NALF1: variants seen among roughly 807,000 people sequenced by gnomAD.
NALF1 encodes the protein NALCN channel auxiliary factor 1.
In NALF1, 3 loss-of-function variants were observed where a neutral mutation model predicts 48.4. The ratio of observed to expected loss-of-function variants is 0.06; its 90% CI spans 0.03 to 0.16. The LOEUF (loss-of-function observed/expected upper bound fraction) is 0.16, where lower values mean the gene tolerates loss of function less well. Among genes scored for constraint, NALF1 ranks in the 10% least tolerant of loss-of-function variants. NALF1 has a pLI of 1.00. For missense variants in NALF1, 526 were observed against 571.5 expected (o/e 0.92, Z 0.81); for synonymous variants, 262 against 245.7 (o/e 1.07, Z -0.62).
chr13:107,265,808 A>T (rs1881027604), intron 1 of NALF1, among the ~76,000 whole-genome samples: 2 of 152,182 alleles, frequency 1.3e-5, no homozygotes, highest in African/African-American at 4.8e-5. Flanking sequence ...TAATATATTG[A>T]AATTTTTTGG....
At chr13:107,685,409 G>C (rs1479631934) in intron 1 of NALF1, among the ~76,000 whole-genome samples, 3 of 152,130 alleles carry the variant, frequency 2.0e-5, no homozygotes, top group Non-Finnish European at 4.4e-5. Context: ...ACCAAAGGTA[G>C]GGTAGGGGAA....
chr13:107,568,775 G>A (rs998871926), intron 1 of NALF1, among the ~76,000 whole-genome samples: 1 of 152,026 alleles, frequency 6.6e-6, no homozygotes, highest in African/African-American at 2.4e-5. Context: ...TGTTTTTTGA[G>A]TATTTTTAAC....
At chr13:107,612,658 T>C (rs1879265394) in intron 1 of NALF1, among the ~76,000 whole-genome samples, 1 of 152,154 alleles carries the variant, frequency 6.6e-6, no homozygotes, top group South Asian at 2.1e-4. Context: ...TGCTCCTTCC[T>C]GACTTTTAAA....
chr13:107,683,594 C>A (rs1257752033), intron 1 of NALF1, among the ~76,000 whole-genome samples: 1 of 152,202 alleles, frequency 6.6e-6, no homozygotes, highest in Non-Finnish European at 1.5e-5. Flanking sequence ...GAATACAGTT[C>A]TTTCACTCCC....
In NALF1 at chr13:107,165,149, A is replaced by G. The variant is rs1008247511; in HGVS notation, c.*5348T>C. ...AAATTAAAAATCTATATTTTATTAA[A>G]ATATTCCCATAGACCCTCTTCTCCT... On this transcript the variant is annotated 3_prime_UTR_variant, in exon 3 of 3. Transcript: ENST00000375915. The G allele has an allele frequency of 6.6e-6, 1 of 152,202 alleles. No individual in the cohort carries two copies. Among genetic ancestry groups the G allele is most frequent in the African/African-American group, 2.4e-5 (1 of 41,458 alleles). 9.4% of individuals were successfully genotyped at this position (152,202 alleles called of 1,614,324 possible).
chr13:107,377,482 G>T (rs2138970559), intron 1 of NALF1, among the ~76,000 whole-genome samples: 1 of 152,216 alleles, frequency 6.6e-6, no homozygotes. Flanking sequence ...CTTATCAGGA[G>T]GTCATAGAAA....
At chr13:107,621,653 T>G (rs1879519999) in intron 1 of NALF1, among the ~76,000 whole-genome samples, 1 of 152,204 alleles carries the variant, frequency 6.6e-6, no homozygotes, top group Non-Finnish European at 1.5e-5. Flanking sequence ...ACAATGCACA[T>G]TTCTCCCAGT....
chr13:107,698,873 T>TA (rs1881755599), intron 1 of NALF1, among the ~76,000 whole-genome samples: 1 of 152,084 alleles, frequency 6.6e-6, no homozygotes. Flanking sequence ...ATACTGCTGA[T>TA]AGAGTGGTGA....
At chr13:107,353,748 A>T (rs1428840978) in intron 1 of NALF1, among the ~76,000 whole-genome samples, 2 of 152,248 alleles carry the variant, frequency 1.3e-5, no homozygotes, top group Admixed American at 6.5e-5. Context: ...CGGCAGCAAC[A>T]GAGAATTAAT....
intron 1 of NALF1, among the ~76,000 whole-genome samples, chr13:107,386,520 C>T (rs924138641): frequency 3.3e-5 from 5 of 152,150 alleles, no homozygotes; most frequent in African/African-American, 1.2e-4. Flanking sequence ...GAAGAGTCTT[C>T]GAAATCCCTA....
intron 1 of NALF1, among the ~76,000 whole-genome samples, chr13:107,377,425 A>T (rs118050058): frequency 0.029 from 4,428 of 152,214 alleles, 84 homozygotes; most frequent in East Asian, 0.064. Flanking sequence ...ATCATGGAGA[A>T]TCTAAAAGAA....
At chr13:107,261,960 C>T (rs1488054417) in intron 1 of NALF1, among the ~76,000 whole-genome samples, 1 of 152,024 alleles carries the variant, frequency 6.6e-6, no homozygotes, top group African/African-American at 2.4e-5. Flanking sequence ...TCAAGAGTAT[C>T]CAGGTATGGA....
rs1050216298 is a variant in NALF1 at position 107,163,661 on chromosome 13, C to G, written c.*6836G>C. 1 of 152,118 alleles carries G rather than the reference C, an allele frequency of 6.6e-6. No homozygotes were observed. The highest frequency in any genetic ancestry group is 1.5e-5 in the Non-Finnish European group (1 of 68,014). 9.4% of individuals were successfully genotyped at this position (152,118 alleles called of 1,614,324 possible). ...CTCTCATAATTAACTGGTTTTAGTACTTTTATTCCGTGTTCATATTCACAT... is the reference window on the plus strand; with the variant it reads ...CTCTCATAATTAACTGGTTTTAGTAGTTTTATTCCGTGTTCATATTCACAT... On this transcript the variant is annotated 3_prime_UTR_variant, in exon 3 of 3. Coordinates refer to ENST00000375915, the MANE Select transcript of NALF1 (RefSeq NM_001080396.3).
rs142521070 is a variant in NALF1 at position 107,653,602 on chromosome 13, C to T, written c.915+212080G>A. ...TGACCTCTTCATATAGATAGGCCAT[C>T]CCTGAATAGAATATATTCTCTCTAC... is the stretch of plus-strand genomic sequence containing the variant. On this transcript the variant is annotated intron_variant, in intron 1 of 2. Transcript: ENST00000375915. 4.9e-3 allele frequency among the ~76,000 whole-genome samples: 739 copies of T among 151,964 alleles called. 3 individuals are homozygous for T. Among genetic ancestry groups the T allele is most frequent in the Middle Eastern group, 0.014 (4 of 294 alleles).
chr13:107,568,018 C>A lies in NALF1; in HGVS notation c.915+297664G>T, dbSNP rs184948936. 2.2e-3 allele frequency among the ~76,000 whole-genome samples: 335 copies of A among 152,194 alleles called. 6 individuals carry two copies. The highest frequency in any genetic ancestry group is 0.017 in the Middle Eastern group (5 of 292). On this transcript the variant is annotated intron_variant, in intron 1 of 2. Coordinates refer to ENST00000375915, the MANE Select transcript of NALF1 (RefSeq NM_001080396.3). ...CAGTGTCTTTCTCTGTCTGCTGGGG[C>A]CCAGGTGGGATTGCAGTGGTGTGAA...
At chr13:107,254,532 C>A (rs9520346) in intron 1 of NALF1, among the ~76,000 whole-genome samples, 8 of 152,126 alleles carry the variant, frequency 5.3e-5, no homozygotes, top group Non-Finnish European at 1.2e-4. Context: ...GGGGAATGGT[C>A]ATTTCTATAG....
intron 1 of NALF1, among the ~76,000 whole-genome samples, chr13:107,264,611 A>G (rs1881004110): frequency 6.6e-6 from 1 of 152,220 alleles, no homozygotes; most frequent in Non-Finnish European, 1.5e-5. Context: ...ACCGCAACCC[A>G]ACATCAGTTT....
At chr13:107,539,391 T>C (rs998131465) in intron 1 of NALF1, among the ~76,000 whole-genome samples, 13 of 151,034 alleles carry the variant, frequency 8.6e-5, no homozygotes, top group Non-Finnish European at 5.9e-5. Flanking sequence ...CATGAATCCA[T>C]TGAAGAGGGC....
chr13:107,792,064 T>G (rs1594269791), intron 1 of NALF1, among the ~76,000 whole-genome samples: 1 of 152,252 alleles, frequency 6.6e-6, no homozygotes, highest in African/African-American at 2.4e-5. Context: ...ATGAAACACA[T>G]AAGTGGAATT....
Sources: allele counts gnomAD v4.1 joint callset (sites outside exome capture counted in the v4.1 genomes callset), GRCh38; gene constraint gnomAD v4.1.1; transcripts MANE v1.5; gene names NCBI Gene and HGNC (gene_info 2026-07-23, HGNC 2026-07-21).